APBB1: variants seen among roughly 807,000 people sequenced by gnomAD.
APBB1 encodes amyloid beta precursor protein binding family B member 1.
A neutral mutation model predicts 78.4 loss-of-function variants in APBB1; 22 were observed. The observed-to-expected ratio is 0.28, with a 90% CI of 0.20 to 0.40. The LOEUF is 0.40. APBB1 is among the 10% of genes least tolerant of loss of function. The pLI, the probability that APBB1 is intolerant of heterozygous loss-of-function variation, is 1.00. For synonymous variants in APBB1, 369 were observed against 372.7 expected, an observed-to-expected ratio of 0.99 and a Z score of 0.12; for missense variants, 749 against 932.4, an observed-to-expected ratio of 0.80 and a Z score of 2.56.
chr11:6,403,980 G>C lies in APBB1; in HGVS notation c.722-158C>G, dbSNP rs1783711781. ...TTCTGCCTAGAGCCTATAGTCTGGAGTCACCACATGTGGGGCCACCAGTAG... is the reference window on the plus strand; with the variant it reads ...TTCTGCCTAGAGCCTATAGTCTGGACTCACCACATGTGGGGCCACCAGTAG... On this transcript the variant is annotated intron_variant, in intron 2 of 14. Coordinates refer to ENST00000609360, the MANE Select transcript of APBB1 (RefSeq NM_001164.5). The surrounding 1 kb of genome is among the most constrained non-coding windows in gnomAD (Gnocchi z 5.3). 1.3e-6 allele frequency: 1 copy of C among 754,200 alleles called. No homozygotes were observed. Among genetic ancestry groups the C allele is most frequent in the Non-Finnish European group, 2.0e-6 (1 of 504,706 alleles). 46.7% of individuals were successfully genotyped at this position (754,200 alleles called of 1,614,324 possible). A position where few individuals can be genotyped will look rare whatever the true frequency, so the allele number is the denominator to read the frequency against.
chr11:6,415,530 A>G (rs1849097933), intron 1 of APBB1, among the ~76,000 whole-genome samples: 3 of 152,204 alleles, frequency 2.0e-5, no homozygotes, highest in African/African-American at 7.2e-5. Flanking sequence ...TTGACTGAAT[A>G]TCATGAAGGA....
At position 6,402,197 on chromosome 11, in the gene APBB1, G is replaced by A. The variant is rs1280323818; in HGVS notation, c.1267C>T (p.Leu423=). 10 of 1,613,656 alleles carry A rather than the reference G, an allele frequency of 6.2e-6. No individual in the cohort carries two copies. Among genetic ancestry groups the A allele is most frequent in the Non-Finnish European group, 8.5e-6 (10 of 1,180,014 alleles). The change falls in exon 8 of 15, where the codon CTA becomes TTA. Residue 423 remains leucine (L), a synonymous_variant. Transcript: ENST00000609360. ...SGGWGEGKDL[L]LQLEDETLKL... ...AGTGTCTCATCCTCCAGCTGCAGTA[G>A]CAGATCCTTTCCCTGCAGGACCAGA...
intron 7 of APBB1, 112 bp downstream of exon 7, chr11:6,402,464 G>C: frequency 7.8e-7 from 1 of 1,285,726 alleles, no homozygotes; most frequent in Non-Finnish European, 1.1e-6. Flanking sequence ...ACTTAGGATG[G>C]GCCAATATCC....
intron 12 of APBB1, among the ~76,000 whole-genome samples, chr11:6,398,635 G>C (rs1007651819): frequency 6.6e-6 from 1 of 152,352 alleles, no homozygotes; most frequent in East Asian, 1.9e-4. Context: ...CAAGGGTTTA[G>C]AAGTTGAGGA....
chr11:6,404,348 T>C (rs529701471), intron 2 of APBB1, among the ~76,000 whole-genome samples: 10 of 152,230 alleles, frequency 6.6e-5, no homozygotes, highest in African/African-American at 2.4e-4. Context: ...ACACAAACTT[T>C]AGCCATACAC....
At chr11:6,415,872 G>C (rs1244408961) in intron 1 of APBB1, among the ~76,000 whole-genome samples, 1 of 151,812 alleles carries the variant, frequency 6.6e-6, no homozygotes, top group Non-Finnish European at 1.5e-5. Flanking sequence ...TTCTCAATAG[G>C]ATCCACGGTC....
chr11:6,404,365 A>G (rs1806849791), intron 2 of APBB1, among the ~76,000 whole-genome samples: 1 of 152,196 alleles, frequency 6.6e-6, no homozygotes, highest in African/African-American at 2.4e-5. Context: ...ACACTTATGC[A>G]GACACCACAG....
chr11:6,397,128 T>C (rs757474183), intron 12 of APBB1, among the ~76,000 whole-genome samples: 26 of 152,212 alleles, frequency 1.7e-4, no homozygotes, highest in Non-Finnish European at 3.2e-4. Context: ...GTCCCCACAC[T>C]CATACGCTGG....
At chr11:6,396,358 C>T in intron 12 of APBB1, 143 bp from the exon 13 acceptor site, 1 of 650,690 alleles carries the variant, frequency 1.5e-6, no homozygotes, top group Non-Finnish European at 2.6e-6. Flanking sequence ...CAACGCTGTC[C>T]AAGTATCCCT....
rs773702422 is a variant in APBB1 at position 6,401,236 on chromosome 11, T to C, written c.1588+109A>G. ...CTCCACGTATTGGAGTATTCAGTCT[T>C]CATGTGTTCATTTTTCTATCAGCGC... is the stretch of plus-strand genomic sequence containing the variant. On this transcript the variant is annotated intron_variant, in intron 11 of 14. Coordinates refer to ENST00000609360, the MANE Select transcript of APBB1 (RefSeq NM_001164.5). The surrounding 1 kb of genome is among the most constrained non-coding windows in gnomAD (Gnocchi z 4.5). 1.1e-5 allele frequency: 17 copies of C among 1,610,676 alleles called. No individual in the cohort carries two copies. Among genetic ancestry groups the C allele is most frequent in the Non-Finnish European group, 1.4e-5 (16 of 1,178,474 alleles).
rs1220045424 is a variant in APBB1 at position 6,408,320 on chromosome 11, ACG to A, written c.721+2305_721+2306del. On this transcript the variant is annotated intron_variant, in intron 2 of 14. Coordinates refer to ENST00000609360, the MANE Select transcript of APBB1 (RefSeq NM_001164.5). The stretch of plus-strand genomic sequence containing the variant: ...AAAAGCAAAACTGCAAACAACAACA[ACG>A]AAAAAAATAGAAGGGGAACTTGATC... Among the ~76,000 whole-genome samples the A allele has an allele frequency of 3.0e-3, 449 of 152,104 alleles. 3 individuals carry two copies. Among genetic ancestry groups the A allele is most frequent in the African/African-American group, 0.01 (434 of 41,444 alleles).
chr11:6,399,843 C>T (rs1435656191), intron 12 of APBB1, among the ~76,000 whole-genome samples: 1 of 152,204 alleles, frequency 6.6e-6, no homozygotes, highest in Admixed American at 6.5e-5. Flanking sequence ...CTTTCAGTAC[C>T]TTGGAAATGC....
At chr11:6,399,970 A>C (rs1328790142) in intron 12 of APBB1, among the ~76,000 whole-genome samples, 1 of 150,092 alleles carries the variant, frequency 6.7e-6, no homozygotes, top group Non-Finnish European at 1.5e-5. Flanking sequence ...TCACTTTCAC[A>C]GGGAAGTCTT....
chr11:6,411,561 G>A lies in APBB1; in HGVS notation c.-14-200C>T, dbSNP rs990532779. Reference sequence around the variant, plus strand: ...CATCCCCATCACAGTCCAGGCCCAGGTCTGAGGCCCACCCCATCCCTATAT... The same window carrying A: ...CATCCCCATCACAGTCCAGGCCCAGATCTGAGGCCCACCCCATCCCTATAT... On this transcript the variant is annotated intron_variant, in intron 1 of 14. Coordinates refer to ENST00000609360, the MANE Select transcript of APBB1 (RefSeq NM_001164.5). The surrounding 1 kb of genome is among the most constrained non-coding windows in gnomAD (Gnocchi z 5.2). Among the ~76,000 whole-genome samples, 2 of 152,106 alleles carry A rather than the reference G, an allele frequency of 1.3e-5. No homozygotes were observed. Among genetic ancestry groups the A allele is most frequent in the African/African-American group, 2.4e-5 (1 of 41,420 alleles).
At chr11:6,398,624 A>G (rs566285177) in intron 12 of APBB1, among the ~76,000 whole-genome samples, 1 of 152,358 alleles carries the variant, frequency 6.6e-6, no homozygotes, top group East Asian at 1.9e-4. Context: ...GGAAGAGCCA[A>G]CAAGGGTTTA....
At chr11:6,414,809 G>A (rs2134110855) in intron 1 of APBB1, among the ~76,000 whole-genome samples, 1 of 152,290 alleles carries the variant, frequency 6.6e-6, no homozygotes, top group African/African-American at 2.4e-5. Context: ...ACTCTGCCAT[G>A]CTCAGAGGAC....
intron 2 of APBB1, among the ~76,000 whole-genome samples, chr11:6,407,595 T>G (rs954088149): frequency 6.6e-6 from 1 of 152,222 alleles, no homozygotes; most frequent in African/African-American, 2.4e-5. Context: ...ATATCTAGTT[T>G]TCAGTTTCCC....
In APBB1 at chr11:6,396,548, A is replaced by G. The variant is rs75953748; in HGVS notation, c.1673-333T>C. 7.3e-3 allele frequency: 2,216 copies of G among 305,386 alleles called. 52 individuals carry two copies. Among genetic ancestry groups the G allele is most frequent in the African/African-American group, 0.047 (2,097 of 44,168 alleles). 18.9% of individuals were successfully genotyped at this position (305,386 alleles called of 1,614,324 possible). On this transcript the variant is annotated intron_variant, in intron 12 of 14. Transcript: ENST00000609360. Reference sequence around the variant, plus strand: ...CTCTCTCAGCGCTCATCACACTCAGACATCACATTGCTTCACACCACAATA... The same window carrying G: ...CTCTCTCAGCGCTCATCACACTCAGGCATCACATTGCTTCACACCACAATA...
chr11:6,409,845 T>A (rs560766756), intron 2 of APBB1, among the ~76,000 whole-genome samples: 1 of 152,356 alleles, frequency 6.6e-6, no homozygotes, highest in East Asian at 1.9e-4. Flanking sequence ...GATTAAGCCC[T>A]GGAGTCCTAG....
Sources: allele counts gnomAD v4.1 joint callset (sites outside exome capture counted in the v4.1 genomes callset), GRCh38; gene constraint gnomAD v4.1.1; non-coding constraint Gnocchi (gnomAD v3.1); transcripts MANE v1.5; gene names NCBI Gene and HGNC (gene_info 2026-07-23, HGNC 2026-07-21).